The following SPTA1 variants were observed in gnomAD, a reference collection of about 807,000 sequenced individuals.
SPTA1 encodes spectrin alpha chain, erythrocytic 1.
A neutral mutation model predicts 324.7 loss-of-function variants in SPTA1; 177 were observed. The observed-to-expected ratio is 0.55, with a 90% CI of 0.48 to 0.62. The LOEUF is 0.62. Among genes scored for constraint, SPTA1 ranks in the 20% least tolerant of loss-of-function variants. The pLI is 0.00. For missense variants in SPTA1, 3,162 were observed against 2,883.6 expected, an observed-to-expected ratio of 1.10 and a Z score of -2.21; for synonymous variants, 1,195 against 1,041.3, an observed-to-expected ratio of 1.15 and a Z score of -2.84.
chr1:158,661,148 C>G, intron 18 of SPTA1, 139 bp downstream of exon 18: 1 of 1,339,254 alleles, frequency 7.5e-7, no homozygotes, highest in Non-Finnish European at 1.1e-6. Flanking sequence ...GCCCATTTGT[C>G]AGAAATGCCA....
intron 16 of SPTA1, among the ~76,000 whole-genome samples, chr1:158,665,830 CTTAT>C (rs1426644376): frequency 6.6e-6 from 1 of 152,022 alleles, no homozygotes; most frequent in Admixed American, 6.6e-5. Flanking sequence ...ATCCCAACCC[CTTAT>C]TTTATAGGTG....
chr1:158,649,966 T>G lies in SPTA1; in HGVS notation c.3478-19A>C. ...TCAATTCCTAAAAGAGGCAAAAACA[T>G]CAGACTTGAGACAGAGAACTAACTC... On this transcript the variant is annotated intron_variant, in intron 24 of 51. Coordinates refer to ENST00000643759, the MANE Select transcript of SPTA1 (RefSeq NM_003126.4). 1 of 1,575,166 alleles carries G rather than the reference T, an allele frequency of 6.3e-7. No individual in the cohort carries two copies. Among genetic ancestry groups the G allele is most frequent in the Non-Finnish European group, 8.7e-7 (1 of 1,146,398 alleles).
intron 22 of SPTA1, 51 bp downstream of exon 22, chr1:158,653,223 C>T (rs368722117): frequency 2.7e-5 from 44 of 1,613,142 alleles, no homozygotes; most frequent in Non-Finnish European, 3.5e-5. Context: ...ATGCCTTTGG[C>T]GAAAAATGTC....
chr1:158,626,794 T>C (rs780657586), intron 41 of SPTA1, 45 bp downstream of exon 41: 6 of 1,611,716 alleles, frequency 3.7e-6, no homozygotes, highest in Non-Finnish European at 5.1e-6. Flanking sequence ...TGGGATTTAT[T>C]AGGGTTTCTC....
intron 36 of SPTA1, among the ~76,000 whole-genome samples, chr1:158,637,284 A>G (rs1195666173): frequency 6.6e-6 from 1 of 152,192 alleles, no homozygotes; most frequent in Non-Finnish European, 1.5e-5. Context: ...ATTCTATCTT[A>G]TGGTCTTATC....
At chr1:158,622,879 AG>A in intron 43 of SPTA1, 103 bp downstream of exon 43, 1 of 1,035,034 alleles carries the variant, frequency 9.7e-7, no homozygotes. Context: ...ATGCAATAAA[AG>A]GTTTTTGTAT....
intron 39 of SPTA1, among the ~76,000 whole-genome samples, chr1:158,634,220 C>T (rs1452419264): frequency 6.6e-6 from 1 of 152,082 alleles, no homozygotes; most frequent in African/African-American, 2.4e-5. Context: ...CAAGGGAATC[C>T]TTTCAAAATC....
At chr1:158,653,451 C>T (rs748915111) in intron 21 of SPTA1, 26 bp from the exon 22 acceptor site, 5 of 1,613,266 alleles carry the variant, frequency 3.1e-6, no homozygotes, top group South Asian at 1.1e-5. Context: ...ATCCCCACTC[C>T]GTCATTAATT....
chr1:158,644,068 C>CAG (rs931501350), intron 30 of SPTA1, among the ~76,000 whole-genome samples, 185 bp downstream of exon 30: 6 of 147,826 alleles, frequency 4.1e-5, no homozygotes, highest in African/African-American at 1.5e-4. Context: ...ACCCGGGAGG[C>CAG]AGAGGTTGCA....
At position 158,612,903 on chromosome 1, in the gene SPTA1, T is replaced by C. The variant is rs1000636089; in HGVS notation, c.7048A>G (p.Asn2350Asp). Residue 2350 changes from asparagine to aspartate, a missense_variant, in exon 51 of 52, where the codon AAC (asparagine) becomes GAC (aspartate). Physicochemically the swap from Asn to Asp is conservative, Grantham distance 23. Coordinates refer to ENST00000643759, the MANE Select transcript of SPTA1 (RefSeq NM_003126.4). ...TCTATTTCATCACTGGACTTGATGT[T>C]TTCTGACTCCTTGTCAATCAGGAAA... is the stretch of plus-strand genomic sequence containing the variant. ...TAFLIDKESENIKSSDEIENA... is the reference protein window; with the variant it reads ...TAFLIDKESEDIKSSDEIENA... 1.9e-6 allele frequency: 3 copies of C among 1,613,832 alleles called. No individual in the cohort carries two copies. Among genetic ancestry groups the C allele is most frequent in the Admixed American group, 3.3e-5 (2 of 59,954 alleles).
At chr1:158,622,909 A>G (rs941294488) in intron 43 of SPTA1, 74 bp downstream of exon 43, 9 of 1,322,484 alleles carry the variant, frequency 6.8e-6, no homozygotes, top group South Asian at 1.2e-5. Flanking sequence ...CTGAGTTTCC[A>G]ATATCTGTTT....
At chr1:158,676,044 C>G in intron 8 of SPTA1, 97 bp downstream of exon 8, 1 of 1,537,878 alleles carries the variant, frequency 6.5e-7, no homozygotes. Flanking sequence ...AGCTGATTCT[C>G]TCGCTATTTG....
In SPTA1 at chr1:158,611,131, G is replaced by GCGCACACACA. The variant is rs879208333; in HGVS notation, c.*132_*133insTGTGTGTGCG. 6.3e-4 allele frequency: 421 copies of GCGCACACACA among 671,404 alleles called. No individual in the cohort carries two copies. The highest frequency in any genetic ancestry group is 1.6e-3 in the South Asian group (96 of 59,584). The allele number at this position is 671,404 out of a possible 1,614,324, so 41.6% of individuals were successfully genotyped here. On this transcript the variant is annotated 3_prime_UTR_variant, in exon 52 of 52. Coordinates refer to ENST00000643759, the MANE Select transcript of SPTA1 (RefSeq NM_003126.4). ...AAATGTAATATGCACACAAACACAA[G>GCGCACACACA]CACACACACACACACACACACACAC...
Position 158,666,363 on chromosome 1 carries a change from G to A in SPTA1, c.2173C>T (p.Arg725Ter), listed in dbSNP as rs2101900643. ...YGKGLAEVQN[R>*]LRKHGLLESA... Reference sequence around the variant, plus strand: ...TCCAGGAGGCCGTGTTTCCTGAGTCGATTCTGTACCTCGGCCAGGCCTTTC... The same window carrying A: ...TCCAGGAGGCCGTGTTTCCTGAGTCAATTCTGTACCTCGGCCAGGCCTTTC... The change falls in exon 16 of 52, where the codon CGA (arginine) becomes TGA (stop). Residue 725 changes from arginine (R) to a stop codon, truncating the protein, a stop_gained. Transcript: ENST00000643759. LOFTEE classifies it high-confidence loss of function. The A allele has an allele frequency of 1.2e-6, 2 of 1,613,882 alleles. No individual in the cohort carries two copies. The highest frequency in any genetic ancestry group is 1.7e-6 in the Non-Finnish European group (2 of 1,179,978).
chr1:158,626,283 C>T, intron 41 of SPTA1, 61 bp from the exon 42 acceptor site: 1 of 1,485,394 alleles, frequency 6.7e-7, no homozygotes, highest in Non-Finnish European at 9.4e-7. Flanking sequence ...TCCTGGGAAG[C>T]AGAAAAGGAA....
chr1:158,656,728 G>A lies in SPTA1; in HGVS notation c.2806-72C>T, dbSNP rs547908010. 1,274 of 1,399,160 alleles carry A rather than the reference G, an allele frequency of 9.1e-4. 5 individuals carry two copies. Among genetic ancestry groups the A allele is most frequent in the Non-Finnish European group, 1.0e-3 (1,029 of 993,386 alleles). 86.7% of individuals were successfully genotyped at this position (1,399,160 alleles called of 1,614,324 possible). ...CTATTATTTCAACTACTATTATTTT[G>A]GGTTATGCTATTTGTCTTAAATCCT... On this transcript the variant is annotated intron_variant, in intron 19 of 51. Coordinates refer to ENST00000643759, the MANE Select transcript of SPTA1 (RefSeq NM_003126.4).
In SPTA1 at chr1:158,634,556, A is replaced by G. The variant is rs745975472; in HGVS notation, c.5552T>C (p.Leu1851Ser). The change falls in exon 39 of 52, where the codon TTA becomes TCA. Residue 1851 changes from leucine (L) to serine (S), a missense_variant. Leu to Ser is a moderately radical substitution (Grantham distance 145). Coordinates refer to ENST00000643759, the MANE Select transcript of SPTA1 (RefSeq NM_003126.4). ...LAVRGDCGDTLAATQSLLMKH... is the reference protein window; with the variant it reads ...LAVRGDCGDTSAATQSLLMKH... Reference sequence around the variant, plus strand: ...CCTGTTCCTCACCTGAGTAGCAGCTAATGTATCTCCACAATCTCCTCGGAC... The same window carrying G: ...CCTGTTCCTCACCTGAGTAGCAGCTGATGTATCTCCACAATCTCCTCGGAC... 1 of 1,614,046 alleles carries G rather than the reference A, an allele frequency of 6.2e-7. No individual in the cohort carries two copies. The highest frequency in any genetic ancestry group is 8.5e-7 in the Non-Finnish European group (1 of 1,180,016).
chr1:158,684,486 A>C (rs1371735912), intron 2 of SPTA1, among the ~76,000 whole-genome samples: 2 of 152,140 alleles, frequency 1.3e-5, no homozygotes, highest in Admixed American at 1.3e-4. Flanking sequence ...TCAATTTCAG[A>C]TGAGTATTGT....
chr1:158,611,098 C>A lies in SPTA1; in HGVS notation c.*166G>T. On this transcript the variant is annotated 3_prime_UTR_variant, in exon 52 of 52. Transcript: ENST00000643759. ...TCCCACCCTTGAGATTTTTTAAGATCCTACAATAAATGTAATATGCACACA... is the reference window on the plus strand; with the variant it reads ...TCCCACCCTTGAGATTTTTTAAGATACTACAATAAATGTAATATGCACACA... 2 of 917,948 alleles carry A rather than the reference C, an allele frequency of 2.2e-6. No homozygotes were observed. Among genetic ancestry groups the A allele is most frequent in the Non-Finnish European group, 3.3e-6 (2 of 610,110 alleles). The allele number at this position is 917,948 out of a possible 1,614,324, so 56.9% of individuals were successfully genotyped here. A position where few individuals can be genotyped will look rare whatever the true frequency, so the allele number is the denominator to read the frequency against.
Sources: allele counts gnomAD v4.1 joint callset (sites outside exome capture counted in the v4.1 genomes callset), GRCh38; gene constraint gnomAD v4.1.1; transcripts MANE v1.5; gene names NCBI Gene and HGNC (gene_info 2026-07-23, HGNC 2026-07-21).